Variants in PLPPR1 observed in about 807,000 individuals in gnomAD.
PLPPR1 encodes the protein phospholipid phosphatase-related protein type 1.
PLPPR1 carries 10 observed loss-of-function variants against 33.1 expected under a neutral mutation model. The ratio of observed to expected loss-of-function variants is 0.30; its 90% CI spans 0.19 to 0.51. The LOEUF (loss-of-function observed/expected upper bound fraction) is 0.51, where lower values mean the gene tolerates loss of function less well. Among genes scored for constraint, PLPPR1 ranks in the 20% least tolerant of loss-of-function variants. The probability of loss-of-function intolerance (pLI) is 0.97; values close to 1 mark genes in which losing one functional copy is unlikely to be tolerated. For missense variants in PLPPR1, 304 were observed against 408.1 expected (o/e 0.74, Z 2.20); for synonymous variants, 151 against 151.0 (o/e 1.00, Z 0.00).
rs531540041 is a variant in PLPPR1, at chr9:101,313,092, A to C, written c.813+118A>C. 132 of 849,236 alleles carry C rather than the reference A, an allele frequency of 1.6e-4. 3 individuals are homozygous for C. The South Asian group carries it at 2.1e-3, about 14-fold the overall frequency. 52.6% of individuals were successfully genotyped at this position (849,236 alleles called of 1,614,324 possible). On this transcript the variant is annotated intron_variant, in intron 6 of 7. Coordinates refer to ENST00000374874, the MANE Select transcript of PLPPR1 (RefSeq NM_207299.2). The stretch of plus-strand genomic sequence containing the variant: ...TTTCGTCCCAACCTTGTGAATTACA[A>C]TTATTCTCCAAGTATTATACATGCT...
chr9:101,138,028 T>C (rs191152874), intron 1 of PLPPR1, among the ~76,000 whole-genome samples: 392 of 152,316 alleles, frequency 2.6e-3, no homozygotes, highest in African/African-American at 9.2e-3. Flanking sequence ...GATGAGGCTG[T>C]GTGTGTGAAT....
intron 2 of PLPPR1, among the ~76,000 whole-genome samples, chr9:101,221,129 C>T (rs983381076): frequency 6.6e-5 from 10 of 151,928 alleles, no homozygotes; most frequent in Admixed American, 1.3e-4. Context: ...GCAGTACAGG[C>T]AGTATTAGGT....
chr9:101,231,546 G>A (rs114799796), intron 2 of PLPPR1, among the ~76,000 whole-genome samples: 2,229 of 152,002 alleles, frequency 0.015, 44 homozygotes, highest in African/African-American at 0.048. Context: ...ATTGATTGGG[G>A]CTAACCAAGG....
intron 1 of PLPPR1, among the ~76,000 whole-genome samples, chr9:101,178,453 G>A (rs1169451464): frequency 6.6e-6 from 1 of 152,184 alleles, no homozygotes; most frequent in South Asian, 2.1e-4. Context: ...ATATGGGTTT[G>A]CCTATCCTTC....
At chr9:101,116,880 T>C (rs1014029969) in intron 1 of PLPPR1, among the ~76,000 whole-genome samples, 2 of 152,122 alleles carry the variant, frequency 1.3e-5, no homozygotes, top group Admixed American at 1.3e-4. Context: ...TGAGCACTTA[T>C]TAATCTTCCA....
At chr9:101,126,201 C>T (rs1215051028) in intron 1 of PLPPR1, among the ~76,000 whole-genome samples, 4 of 152,188 alleles carry the variant, frequency 2.6e-5, no homozygotes, top group Admixed American at 1.3e-4. Flanking sequence ...TGCTTCCCAG[C>T]TTTATGTCAA....
chr9:101,293,674 G>A (rs1407709751), intron 4 of PLPPR1, among the ~76,000 whole-genome samples: 1 of 152,052 alleles, frequency 6.6e-6, no homozygotes, highest in African/African-American at 2.4e-5. Context: ...CAACTACATG[G>A]AAACTGAACA....
chr9:101,266,579 C>T (rs573265053), intron 2 of PLPPR1, among the ~76,000 whole-genome samples: 1 of 152,206 alleles, frequency 6.6e-6, no homozygotes, highest in Admixed American at 6.5e-5. Context: ...TTTGGGTCTC[C>T]AAGGTTCTCT....
chr9:101,075,854 C>T (rs1226435646), intron 1 of PLPPR1, among the ~76,000 whole-genome samples: 1 of 150,692 alleles, frequency 6.6e-6, no homozygotes, highest in Middle Eastern at 3.2e-3. Flanking sequence ...TTTCCTTTAG[C>T]TGGGGGATAG....
Position 101,084,273 on chromosome 9 carries a change from A to G in PLPPR1, c.-46+55171A>G, listed in dbSNP as rs551061748. On this transcript the variant is annotated intron_variant, in intron 1 of 7. Transcript: ENST00000374874. ...TAGGTTGAAGATGCTGTGCCCAGCA[A>G]GGTACATGGTGAAAATTCCTACCAG... is the stretch of plus-strand genomic sequence containing the variant. 2.6e-5 allele frequency among the ~76,000 whole-genome samples: 4 copies of G among 152,322 alleles called. No individual in the cohort carries two copies. The South Asian group carries it at 8.3e-4, about 32-fold the overall frequency.
chr9:101,174,387 T>C (rs1423787129), intron 1 of PLPPR1, among the ~76,000 whole-genome samples: 1 of 152,194 alleles, frequency 6.6e-6, no homozygotes, highest in African/African-American at 2.4e-5. Context: ...AATTTGTAGC[T>C]TCCTTAAAAT....
chr9:101,150,394 C>T (rs1213273848), intron 1 of PLPPR1, among the ~76,000 whole-genome samples: 1 of 151,940 alleles, frequency 6.6e-6, no homozygotes, highest in African/African-American at 2.4e-5. Context: ...CAAGTTGGTG[C>T]CTTTTTGTTT....
chr9:101,065,531 A>G (rs990100550), intron 1 of PLPPR1, among the ~76,000 whole-genome samples: 1 of 152,094 alleles, frequency 6.6e-6, no homozygotes, highest in African/African-American at 2.4e-5. Flanking sequence ...AAATGGGTCA[A>G]AAATATTCTT....
At chr9:101,032,495 C>A (rs773721397) in intron 1 of PLPPR1, among the ~76,000 whole-genome samples, 5 of 152,194 alleles carry the variant, frequency 3.3e-5, no homozygotes, top group Non-Finnish European at 7.3e-5. Flanking sequence ...ATATCACCCT[C>A]TTCTTTCCTG....
At chr9:101,258,693 A>T (rs930082830) in intron 2 of PLPPR1, among the ~76,000 whole-genome samples, 3 of 152,174 alleles carry the variant, frequency 2.0e-5, no homozygotes, top group Non-Finnish European at 4.4e-5. Flanking sequence ...TTTCTCATGC[A>T]TAGCATGTGT....
At chr9:101,039,761 A>G (rs1205527951) in intron 1 of PLPPR1, among the ~76,000 whole-genome samples, 3 of 152,046 alleles carry the variant, frequency 2.0e-5, no homozygotes, top group Admixed American at 6.5e-5. Context: ...AAACCATCAG[A>G]TCTCGTGAGA....
At chr9:101,114,558 T>C (rs1831096634) in intron 1 of PLPPR1, among the ~76,000 whole-genome samples, 1 of 152,210 alleles carries the variant, frequency 6.6e-6, no homozygotes, top group Non-Finnish European at 1.5e-5. Context: ...TCTTCCTGTC[T>C]CCTGCCATTG....
At position 101,152,326 on chromosome 9, in the gene PLPPR1, A is replaced by C. The variant is rs558969564; in HGVS notation, c.-45-33124A>C. ...CTTTGTCAGATGAGTAGATTGCAGAAATTTTCTCCCATTCTGTAGATTGCC... is the reference window on the plus strand; with the variant it reads ...CTTTGTCAGATGAGTAGATTGCAGACATTTTCTCCCATTCTGTAGATTGCC... On this transcript the variant is annotated intron_variant, in intron 1 of 7. Transcript: ENST00000374874. 1.9e-4 allele frequency among the ~76,000 whole-genome samples: 29 copies of C among 152,260 alleles called. No homozygotes were observed. The South Asian group carries it at 5.8e-3, about 31-fold the overall frequency.
chr9:101,081,710 CT>C (rs1229887878), intron 1 of PLPPR1, among the ~76,000 whole-genome samples: 1 of 152,134 alleles, frequency 6.6e-6, no homozygotes, highest in African/African-American at 2.4e-5. Context: ...TCTGTTTCTG[CT>C]TAACGTAAGA....
Sources: gnomAD v4.1 joint callset for allele counts (sites outside exome capture counted in the v4.1 genomes callset) on GRCh38, gnomAD v4.1.1 for gene constraint, MANE v1.5 for transcripts, NCBI Gene and HGNC (gene_info 2026-07-23, HGNC 2026-07-21) for gene names.